Variants in INPP4B observed in about 807,000 individuals in gnomAD.
The protein encoded by INPP4B is inositol polyphosphate-4-phosphatase type II B.
In INPP4B, 55 loss-of-function variants were observed where a neutral mutation model predicts 122.5. That is an observed-to-expected ratio of 0.45 (90% confidence interval 0.36 to 0.56). The LOEUF is 0.56. INPP4B is among the 20% of genes least tolerant of loss of function. The pLI is 0.00. For synonymous variants in INPP4B, 403 were observed against 388.7 expected, an observed-to-expected ratio of 1.04 and a Z score of -0.43; for missense variants, 1,000 against 1,097.7, an observed-to-expected ratio of 0.91 and a Z score of 1.26.
intron 1 of INPP4B, among the ~76,000 whole-genome samples, chr4:142,787,437 T>G (rs1775915576): frequency 6.6e-6 from 1 of 152,148 alleles, no homozygotes; most frequent in Non-Finnish European, 1.5e-5. Flanking sequence ...CCTCTCCAGA[T>G]GCTGGCACCT....
At chr4:142,421,623 G>T (rs565878215) in intron 5 of INPP4B, among the ~76,000 whole-genome samples, 1 of 152,266 alleles carries the variant, frequency 6.6e-6, no homozygotes, top group Admixed American at 6.5e-5. Context: ...AATAAAGAGA[G>T]AAATGTAAAT....
At chr4:142,594,425 T>C (rs1738219819) in intron 2 of INPP4B, among the ~76,000 whole-genome samples, 1 of 152,182 alleles carries the variant, frequency 6.6e-6, no homozygotes, top group Admixed American at 6.5e-5. Context: ...AACTCATTTG[T>C]TTCTTACAAA....
At chr4:142,680,268 A>G (rs1202654297) in intron 2 of INPP4B, among the ~76,000 whole-genome samples, 1 of 151,904 alleles carries the variant, frequency 6.6e-6, no homozygotes, top group East Asian at 1.9e-4. Flanking sequence ...CAAGAAATCA[A>G]TAGGAAAGCA....
intron 7 of INPP4B, chr4:142,384,220 A>T (rs1795175095): frequency 1.5e-6 from 1 of 673,900 alleles, no homozygotes; most frequent in Non-Finnish European, 2.7e-6. Context: ...AATACCTTAG[A>T]AAAAACAGGT....
chr4:142,721,404 A>T (rs888578986), intron 2 of INPP4B, among the ~76,000 whole-genome samples: 1 of 152,178 alleles, frequency 6.6e-6, no homozygotes, highest in Admixed American at 6.5e-5. Flanking sequence ...TTCTGCAATG[A>T]TGTATGGAGT....
chr4:142,359,641 T>G (rs1370767566), intron 7 of INPP4B, among the ~76,000 whole-genome samples: 1 of 151,956 alleles, frequency 6.6e-6, no homozygotes, highest in Non-Finnish European at 1.5e-5. Flanking sequence ...TTCTACATAT[T>G]TTCTAAAATA....
At chr4:142,211,421 A>G (rs1240307192) in intron 12 of INPP4B, among the ~76,000 whole-genome samples, 1 of 152,164 alleles carries the variant, frequency 6.6e-6, no homozygotes, top group Non-Finnish European at 1.5e-5. Context: ...CTCAATGGTC[A>G]AAAAACCTCC....
rs555392686 is a variant in INPP4B at position 142,030,043 on chromosome 4, A to G, written c.2643-1129T>C. On this transcript the variant is annotated intron_variant, in intron 25 of 25. Coordinates refer to ENST00000262992, the MANE Select transcript of INPP4B (RefSeq NM_001101669.3). The stretch of plus-strand genomic sequence containing the variant: ...ACATTTTTTAAATTCTGTGAATTTG[A>G]AAATGTAAAAATATTACAGCATTGT... 117 of 1,384,886 alleles carry G rather than the reference A, an allele frequency of 8.4e-5. No individual in the cohort carries two copies. The East Asian group carries it at 2.9e-3, about 34-fold the overall frequency. 85.8% of individuals were successfully genotyped at this position (1,384,886 alleles called of 1,614,324 possible). A position where few individuals can be genotyped will look rare whatever the true frequency, so the allele number is the denominator to read the frequency against.
chr4:142,764,611 C>A (rs1191313751), intron 1 of INPP4B, among the ~76,000 whole-genome samples: 1 of 152,058 alleles, frequency 6.6e-6, no homozygotes, highest in Non-Finnish European at 1.5e-5. Context: ...TCATAGCAGC[C>A]ATTATTCCTC....
At chr4:142,579,243 C>T (rs192631472) in intron 2 of INPP4B, among the ~76,000 whole-genome samples, 2 of 152,046 alleles carry the variant, frequency 1.3e-5, no homozygotes, top group East Asian at 1.9e-4. Context: ...GTGATAAATG[C>T]TGTGAAGGAG....
chr4:142,523,991 CATT>C (rs1275545553), intron 2 of INPP4B, among the ~76,000 whole-genome samples: 11 of 149,388 alleles, frequency 7.4e-5, no homozygotes, highest in Non-Finnish European at 1.3e-4. Context: ...ATGAACTCAT[CATT>C]TTTTATGGCT....
At chr4:142,623,910 A>G (rs1476996301) in intron 2 of INPP4B, among the ~76,000 whole-genome samples, 1 of 152,014 alleles carries the variant, frequency 6.6e-6, no homozygotes, top group Non-Finnish European at 1.5e-5. Context: ...ATCATTTTTT[A>G]TGGCTGCATA....
intron 21 of INPP4B, among the ~76,000 whole-genome samples, chr4:142,113,345 T>C (rs1791233996): frequency 1.3e-5 from 2 of 152,024 alleles, no homozygotes; most frequent in Non-Finnish European, 2.9e-5. Flanking sequence ...TTAAAAACTG[T>C]CATCTTCTGA....
Position 142,431,164 on chromosome 4 carries a change from C to T in INPP4B, c.91+5G>A. 9.9e-6 allele frequency: 16 copies of T among 1,610,892 alleles called. No homozygotes were observed. The highest frequency in any genetic ancestry group is 1.4e-5 in the Non-Finnish European group (16 of 1,177,426). On this transcript the variant is annotated splice_donor_5th_base_variant and intron_variant, in intron 4 of 25. Transcript: ENST00000262992. ...AAAAACAGGGAGGGATACACACATACTTACTTGTGAACTGACAGTCCCCGG... is the reference window on the plus strand; with the variant it reads ...AAAAACAGGGAGGGATACACACATATTTACTTGTGAACTGACAGTCCCCGG...
At chr4:142,334,967 A>G (rs1776056386) in intron 7 of INPP4B, among the ~76,000 whole-genome samples, 2 of 152,074 alleles carry the variant, frequency 1.3e-5, no homozygotes, top group Admixed American at 1.3e-4. Context: ...GAAAGGATAA[A>G]TCTATTAGGG....
At chr4:142,147,031 G>A (rs905237843) in intron 17 of INPP4B, among the ~76,000 whole-genome samples, 13 of 151,924 alleles carry the variant, frequency 8.6e-5, no homozygotes, top group African/African-American at 3.1e-4. Flanking sequence ...CACTTCCTTC[G>A]TGCTTCTCTT....
chr4:142,746,171 T>C (rs1768712129), intron 1 of INPP4B, among the ~76,000 whole-genome samples: 2 of 151,838 alleles, frequency 1.3e-5, no homozygotes, highest in Admixed American at 1.3e-4. Context: ...GGGATATTCA[T>C]CATGATAGGA....
At chr4:142,603,763 C>T (rs577278698) in intron 2 of INPP4B, among the ~76,000 whole-genome samples, 13 of 152,048 alleles carry the variant, frequency 8.5e-5, no homozygotes, top group Admixed American at 5.9e-4. Context: ...CAGATGGATT[C>T]AGTGTAATAT....
intron 1 of INPP4B, among the ~76,000 whole-genome samples, chr4:142,744,951 G>A (rs1768484389): frequency 6.6e-6 from 1 of 151,676 alleles, no homozygotes. Flanking sequence ...AAAAAGATGT[G>A]CAAAAGAAGG....
Sources: allele counts gnomAD v4.1 joint callset (sites outside exome capture counted in the v4.1 genomes callset), GRCh38; gene constraint gnomAD v4.1.1; transcripts MANE v1.5; gene names NCBI Gene and HGNC (gene_info 2026-07-23, HGNC 2026-07-21).